Variants in GALNT17 observed in about 807,000 individuals in gnomAD.
GALNT17 encodes UDP-GalNAc:polypeptide N-acetylgalactosaminyltransferase-like 3.
A neutral mutation model predicts 63.7 loss-of-function variants in GALNT17; 29 were observed. The observed-to-expected ratio is 0.46, with a 90% CI of 0.34 to 0.62. The LOEUF (loss-of-function observed/expected upper bound fraction) is 0.62, where lower values mean the gene tolerates loss of function less well. Ranked by LOEUF, GALNT17 falls within the 20% of genes least tolerant of loss-of-function variation. The pLI, the probability that GALNT17 is intolerant of heterozygous loss-of-function variation, is 0.01. For synonymous variants in GALNT17, 305 were observed against 318.3 expected, an observed-to-expected ratio of 0.96 and a Z score of 0.45; for missense variants, 603 against 799.6, an observed-to-expected ratio of 0.75 and a Z score of 2.97.
chr7:71,196,066 C>T (rs547071912), intron 1 of GALNT17, among the ~76,000 whole-genome samples: 6 of 152,268 alleles, frequency 3.9e-5, no homozygotes, highest in African/African-American at 7.2e-5. Context: ...GAAGCTTGCA[C>T]GCAGTCTCCT....
At position 71,712,593 on chromosome 7, in the gene GALNT17, C is replaced by T. The variant is rs1791812049; in HGVS notation, c.*447C>T. Reference sequence around the variant, plus strand: ...GCTTCAGCCATGTCCTAGCTCCCCGCCCTAAAAGGAGGCAGTGAGGACCAG... The same window carrying T: ...GCTTCAGCCATGTCCTAGCTCCCCGTCCTAAAAGGAGGCAGTGAGGACCAG... On this transcript the variant is annotated 3_prime_UTR_variant, in exon 11 of 11. Coordinates refer to ENST00000333538, the MANE Select transcript of GALNT17 (RefSeq NM_022479.3). 6.3e-6 allele frequency: 1 copy of T among 158,230 alleles called. No homozygotes were observed. Among genetic ancestry groups the T allele is most frequent in the Non-Finnish European group, 1.4e-5 (1 of 72,358 alleles). 9.8% of individuals were successfully genotyped at this position (158,230 alleles called of 1,614,324 possible).
intron 1 of GALNT17, among the ~76,000 whole-genome samples, chr7:71,318,902 G>A (rs1791550137): frequency 6.6e-6 from 1 of 152,114 alleles, no homozygotes; most frequent in African/African-American, 2.4e-5. Flanking sequence ...AAGCGCTCCA[G>A]CGGTCTTAGA....
intron 6 of GALNT17, among the ~76,000 whole-genome samples, chr7:71,603,080 C>T (rs756507998): frequency 5.3e-5 from 8 of 151,326 alleles, no homozygotes; most frequent in Non-Finnish European, 1.0e-4. Context: ...TAAGTGCATA[C>T]ACCAGGTACT....
At chr7:71,663,449 T>C (rs981838379) in intron 6 of GALNT17, among the ~76,000 whole-genome samples, 1 of 152,228 alleles carries the variant, frequency 6.6e-6, no homozygotes, top group Non-Finnish European at 1.5e-5. Context: ...ACCAGTTTCC[T>C]GTCTCTATTC....
chr7:71,648,099 C>T (rs1230563364), intron 6 of GALNT17, among the ~76,000 whole-genome samples: 3 of 152,206 alleles, frequency 2.0e-5, no homozygotes, highest in Non-Finnish European at 2.9e-5. Flanking sequence ...GTGGTGGCAC[C>T]GCTACCACTC....
chr7:71,649,302 T>G (rs935316467), intron 6 of GALNT17, among the ~76,000 whole-genome samples: 3 of 152,180 alleles, frequency 2.0e-5, no homozygotes. Context: ...CAGTTTCAAT[T>G]TTCCATTGTG....
chr7:71,640,845 C>CAA (rs35666782), intron 6 of GALNT17, among the ~76,000 whole-genome samples: 34 of 141,484 alleles, frequency 2.4e-4, no homozygotes, highest in Middle Eastern at 3.6e-3. Context: ...GACCCCATCT[C>CAA]AAAAAAAAAA....
At chr7:71,546,309 C>T (rs1788984512) in intron 5 of GALNT17, among the ~76,000 whole-genome samples, 1 of 151,942 alleles carries the variant, frequency 6.6e-6, no homozygotes, top group African/African-American at 2.4e-5. Context: ...TACAGGTGTG[C>T]ACCACCACTC....
At chr7:71,600,616 G>A (rs891206321) in intron 6 of GALNT17, among the ~76,000 whole-genome samples, 1 of 152,162 alleles carries the variant, frequency 6.6e-6, no homozygotes, top group Admixed American at 6.5e-5. Context: ...GTAATCAGAT[G>A]TCCAAGTCCA....
At chr7:71,393,587 C>A (rs960601306) in intron 3 of GALNT17, among the ~76,000 whole-genome samples, 1 of 151,754 alleles carries the variant, frequency 6.6e-6, no homozygotes, top group African/African-American at 2.4e-5. Context: ...CTGCAAACAT[C>A]ATTTTAATGA....
At chr7:71,565,254 G>A (rs563672606) in intron 5 of GALNT17, among the ~76,000 whole-genome samples, 22 of 142,422 alleles carry the variant, frequency 1.5e-4, no homozygotes, top group Non-Finnish European at 2.7e-4. Flanking sequence ...GCAACAGGGT[G>A]AGACTCCATC....
rs1326690574 is a variant in GALNT17, at chr7:71,703,387, AAGAG to A, written c.1501-7371_1501-7368del. On this transcript the variant is annotated intron_variant, in intron 9 of 10. Transcript: ENST00000333538. ...CACATCAATGGGCAAGAGTGGGAAAAAGAGAGTGAGGTGAGAAGGTCCTAGACTT... is the reference window on the plus strand; with the variant it reads ...CACATCAATGGGCAAGAGTGGGAAAAAGTGAGGTGAGAAGGTCCTAGACTT... Among the ~76,000 whole-genome samples the A allele has an allele frequency of 5.3e-5, 8 of 152,308 alleles. No homozygotes were observed. The East Asian group carries it at 1.5e-3, about 29-fold the overall frequency.
At chr7:71,151,688 A>G (rs1230348669) in intron 1 of GALNT17, among the ~76,000 whole-genome samples, 3 of 152,060 alleles carry the variant, frequency 2.0e-5, no homozygotes, top group Non-Finnish European at 4.4e-5. Context: ...TACTCTATTT[A>G]CAGGATGATG....
intron 1 of GALNT17, among the ~76,000 whole-genome samples, chr7:71,294,400 T>TCATA (rs1791039220): frequency 6.8e-6 from 1 of 148,146 alleles, no homozygotes; most frequent in Non-Finnish European, 1.5e-5. Flanking sequence ...TGATGATGTC[T>TCATA]CATAAGTCCT....
rs139496047 is a variant in GALNT17 at position 71,339,545 on chromosome 7, C to T, written c.422+3812C>T. Among the ~76,000 whole-genome samples, 718 of 152,098 alleles carry T rather than the reference C, an allele frequency of 4.7e-3. 5 individuals carry two copies. The highest frequency in any genetic ancestry group is 0.016 in the African/African-American group (665 of 41,494). ...GTACTAAAATATACAAAAAAAGAAG[C>T]GGGGCATGGTGGTGCACGCCTGTGG... On this transcript the variant is annotated intron_variant, in intron 2 of 10. Transcript: ENST00000333538.
intron 6 of GALNT17, among the ~76,000 whole-genome samples, chr7:71,640,975 C>T (rs1034245604): frequency 1.8e-4 from 27 of 152,280 alleles, no homozygotes; most frequent in Admixed American, 1.1e-3. Context: ...GATTCCCTAA[C>T]TGTGATAAAA....
At chr7:71,157,799 C>T (rs1272389036) in intron 1 of GALNT17, among the ~76,000 whole-genome samples, 1 of 151,708 alleles carries the variant, frequency 6.6e-6, no homozygotes, top group African/African-American at 2.4e-5. Context: ...CTTCCTGGCA[C>T]CTGGTAATCA....
chr7:71,701,739 A>G (rs555590614), intron 9 of GALNT17, among the ~76,000 whole-genome samples: 4 of 20,440 alleles, frequency 2.0e-4, no homozygotes, highest in Non-Finnish European at 2.4e-4. Context: ...ATATATATAT[A>G]TGTGTATATA....
At chr7:71,275,970 C>A (rs1196306906) in intron 1 of GALNT17, among the ~76,000 whole-genome samples, 1 of 152,200 alleles carries the variant, frequency 6.6e-6, no homozygotes, top group African/African-American at 2.4e-5. Flanking sequence ...CTACTTATAC[C>A]CCTGGCCTAC....
Sources: allele counts gnomAD v4.1 joint callset (sites outside exome capture counted in the v4.1 genomes callset), GRCh38; gene constraint gnomAD v4.1.1; transcripts MANE v1.5; gene names NCBI Gene and HGNC (gene_info 2026-07-23, HGNC 2026-07-21).